The following UNC80 variants were observed in gnomAD, a reference collection of about 807,000 sequenced individuals.
The protein encoded by UNC80 is protein unc-80 homolog.
In UNC80, 164 loss-of-function variants were observed where a neutral mutation model predicts 384.6. That is an observed-to-expected ratio of 0.43 (90% confidence interval 0.38 to 0.49). The LOEUF (loss-of-function observed/expected upper bound fraction) is 0.49, where lower values mean the gene tolerates loss of function less well. Among genes scored for constraint, UNC80 ranks in the 20% least tolerant of loss-of-function variants. The pLI is 0.00. For missense variants in UNC80, 3,330 were observed against 4,143.0 expected, an observed-to-expected ratio of 0.80 and a Z score of 5.39; for synonymous variants, 1,486 against 1,527.8, an observed-to-expected ratio of 0.97 and a Z score of 0.64.
At chr2:209,877,846 CTGGA>C in intron 23 of UNC80, 104 bp from the exon 24 acceptor site, 1 of 1,266,226 alleles carries the variant, frequency 7.9e-7, no homozygotes, top group Admixed American at 3.5e-5. Flanking sequence ...GAGGCTTATG[CTGGA>C]AATAATTCTC....
intron 21 of UNC80, among the ~76,000 whole-genome samples, chr2:209,846,407 A>AT (rs1268378679): frequency 6.6e-6 from 1 of 151,966 alleles, no homozygotes; most frequent in Non-Finnish European, 1.5e-5. Flanking sequence ...AATTAAAACA[A>AT]TTTTTTTCAA....
intron 3 of UNC80, among the ~76,000 whole-genome samples, chr2:209,776,833 C>T (rs940848892): frequency 6.6e-6 from 1 of 152,164 alleles, no homozygotes; most frequent in African/African-American, 2.4e-5. Context: ...TTTCATCTGG[C>T]AATGTGTCCT....
intron 59 of UNC80, among the ~76,000 whole-genome samples, chr2:209,979,400 G>A (rs2093099626): frequency 6.6e-6 from 1 of 152,180 alleles, no homozygotes. Flanking sequence ...AGGGTTGATT[G>A]GAACTTAAAT....
At position 209,817,838 on chromosome 2, in the gene UNC80, G is replaced by A. The variant is rs2079853207; in HGVS notation, c.1579G>A (p.Asp527Asn). Reference protein sequence around the residue: ...LGKLTRRGSSDAATEMESLSA... With the variant: ...LGKLTRRGSSNAATEMESLSA... ...GAAATTGACCCGGCGAGGCAGTTCA[G>A]ATGCAGCCACTGAGATGGAGAGTCT... is the stretch of plus-strand genomic sequence containing the variant. The change falls in exon 11 of 65, where the codon GAT becomes AAT. Residue 527 changes from aspartate (D) to asparagine (N), a missense_variant. Asp to Asn is a conservative substitution (Grantham distance 23, BLOSUM62 1). Transcript: ENST00000673920. The A allele has an allele frequency of 6.4e-7, 1 of 1,551,536 alleles. No homozygotes were observed. The highest frequency in any genetic ancestry group is 1.2e-5 in the South Asian group (1 of 84,066).
At chr2:209,951,000 C>T (rs573661227) in intron 47 of UNC80, among the ~76,000 whole-genome samples, 1 of 152,042 alleles carries the variant, frequency 6.6e-6, no homozygotes, top group African/African-American at 2.4e-5. Flanking sequence ...TGGCAAAACC[C>T]CGTCCCTACA....
chr2:209,794,472 G>C (rs778119607), intron 7 of UNC80, among the ~76,000 whole-genome samples: 1 of 152,116 alleles, frequency 6.6e-6, no homozygotes, highest in Non-Finnish European at 1.5e-5. Context: ...TAAAATTATA[G>C]CCTAGTAATA....
In UNC80 at chr2:209,771,914, T is replaced by G. The variant is rs1574376210; in HGVS notation, c.-159T>G. ...GCCATGTTCCACGCGCGGGGAGGGG[T>G]GGGGGGAGGGGAGAGGCACGGGGGA... On this transcript the variant is annotated 5_prime_UTR_variant, in exon 1 of 65. Transcript: ENST00000673920. 1.2e-4 allele frequency: 67 copies of G among 546,478 alleles called. No homozygotes were observed. The highest frequency in any genetic ancestry group is 3.1e-4 in the East Asian group (8 of 25,866). The allele number at this position is 546,478 out of a possible 1,614,324, so 33.9% of individuals were successfully genotyped here. A position where few individuals can be genotyped will look rare whatever the true frequency, so the allele number is the denominator to read the frequency against.
At chr2:209,788,980 T>C (rs2077628101) in intron 5 of UNC80, among the ~76,000 whole-genome samples, 1 of 152,188 alleles carries the variant, frequency 6.6e-6, no homozygotes, top group Admixed American at 6.5e-5. Flanking sequence ...TTTCTATGTT[T>C]AGATACACAA....
At chr2:209,923,660 A>G (rs113537380) in intron 35 of UNC80, among the ~76,000 whole-genome samples, 3,722 of 152,246 alleles carry the variant, frequency 0.024, 115 homozygotes, top group South Asian at 0.18. Flanking sequence ...TTGTCATTAT[A>G]ACATGCTCTG....
chr2:209,840,457 G>A (rs958856485), intron 19 of UNC80, 85 bp from the exon 20 acceptor site: 30 of 1,133,566 alleles, frequency 2.6e-5, no homozygotes, highest in Non-Finnish European at 3.7e-5. Context: ...AACTTTCATC[G>A]CTTGTTGGGC....
At chr2:209,876,189 C>T (rs549251557) in intron 23 of UNC80, among the ~76,000 whole-genome samples, 2 of 152,258 alleles carry the variant, frequency 1.3e-5, no homozygotes, top group East Asian at 3.9e-4. Flanking sequence ...GTCAGACATC[C>T]TATGTTTGAA....
chr2:209,835,980 T>C (rs2081310701), intron 18 of UNC80, among the ~76,000 whole-genome samples: 1 of 152,214 alleles, frequency 6.6e-6, no homozygotes, highest in Non-Finnish European at 1.5e-5. Context: ...TATTTAGTGT[T>C]CAAGTAGATC....
chr2:209,840,444 T>C lies in UNC80; in HGVS notation c.3251-98T>C. Reference sequence around the variant, plus strand: ...TTGTTTTTCTATTTATACCAAGCCATGTAACTTTCATCGCTTGTTGGGCTT... The same window carrying C: ...TTGTTTTTCTATTTATACCAAGCCACGTAACTTTCATCGCTTGTTGGGCTT... On this transcript the variant is annotated intron_variant, in intron 19 of 64. Transcript: ENST00000673920. 2.0e-6 allele frequency: 2 copies of C among 983,188 alleles called. 1 individual carries two copies. Among genetic ancestry groups the C allele is most frequent in the South Asian group, 3.0e-5 (2 of 66,906 alleles). 60.9% of individuals were successfully genotyped at this position (983,188 alleles called of 1,614,324 possible).
In UNC80 at chr2:209,799,076, A is replaced by G. The variant is rs547666343; in HGVS notation, c.938+5217A>G. On this transcript the variant is annotated intron_variant, in intron 7 of 64. Transcript: ENST00000673920. ...TTTAAATTCATTATTTTAAAAAAAT[A>G]AAATAAGTGTTTTTTTTTTTTCTAA... Among the ~76,000 whole-genome samples the G allele has an allele frequency of 4.9e-3, 368 of 75,016 alleles. 3 individuals are homozygous for G. Among genetic ancestry groups the G allele is most frequent in the African/African-American group, 0.017 (354 of 21,256 alleles). 49.2% of individuals were successfully genotyped at this position (75,016 alleles called of 152,430 possible). A position where few individuals can be genotyped will look rare whatever the true frequency, so the allele number is the denominator to read the frequency against.
intron 31 of UNC80, among the ~76,000 whole-genome samples, chr2:209,914,168 A>G (rs1330846959): frequency 1.3e-5 from 2 of 152,246 alleles, no homozygotes; most frequent in Non-Finnish European, 2.9e-5. Context: ...TGTCTCTCTC[A>G]GGGTGTTACC....
intron 49 of UNC80, 45 bp from the exon 50 acceptor site, chr2:209,959,074 C>T (rs766913088): frequency 2.3e-5 from 35 of 1,539,194 alleles, no homozygotes; most frequent in Middle Eastern, 1.7e-4. Flanking sequence ...CAAAGGACCC[C>T]GTTCTTGCTC....
Position 209,996,952 on chromosome 2 carries a change from T to G in UNC80, c.*1357T>G, listed in dbSNP as rs2093493364. On this transcript the variant is annotated 3_prime_UTR_variant, in exon 65 of 65. Coordinates refer to ENST00000673920, the MANE Select transcript of UNC80 (RefSeq NM_001371986.1). Reference sequence around the variant, plus strand: ...AGATGAAGTTAAATATAGACTTTAATTACCCTGCAATGAATTTAAAACACA... The same window carrying G: ...AGATGAAGTTAAATATAGACTTTAAGTACCCTGCAATGAATTTAAAACACA... The G allele has an allele frequency of 6.6e-6, 1 of 152,170 alleles. No individual in the cohort carries two copies. Among genetic ancestry groups the G allele is most frequent in the Middle Eastern group, 3.2e-3 (1 of 316 alleles). The allele number at this position is 152,170 out of a possible 1,614,324, so 9.4% of individuals were successfully genotyped here. A position where few individuals can be genotyped will look rare whatever the true frequency, so the allele number is the denominator to read the frequency against.
intron 48 of UNC80, among the ~76,000 whole-genome samples, 167 bp from the exon 49 acceptor site, chr2:209,957,477 T>A (rs2092457255): frequency 6.6e-6 from 1 of 152,222 alleles, no homozygotes; most frequent in Non-Finnish European, 1.5e-5. Flanking sequence ...TCTTTTAAAG[T>A]GCCTCTCAGA....
intron 29 of UNC80, among the ~76,000 whole-genome samples, chr2:209,910,681 G>A (rs1275401739): frequency 7.4e-6 from 1 of 135,698 alleles, no homozygotes; most frequent in Non-Finnish European, 1.6e-5. Flanking sequence ...GGTGTGCTGA[G>A]TATTTTCCTG....
Sources: gnomAD v4.1 joint callset for allele counts (sites outside exome capture counted in the v4.1 genomes callset) on GRCh38, gnomAD v4.1.1 for gene constraint, MANE v1.5 for transcripts, NCBI Gene and HGNC (gene_info 2026-07-23, HGNC 2026-07-21) for gene names.